SLC35D4: variants seen among roughly 807,000 people sequenced by gnomAD.
SLC35D4 encodes UDP-N-acetylglucosamine transporter SLC35D4.
At chr18:23,417,295 C>T in the SLC35D4 span, among the ~76,000 whole-genome samples, 1 of 151,644 alleles carries the variant, frequency 6.6e-6, no homozygotes, top group East Asian at 1.9e-4. Context: ...CAGATAAATG[C>T]ATAAGCAAAA....
the SLC35D4 span, chr18:23,376,829 G>A: frequency 2.2e-6 from 1 of 456,678 alleles, no homozygotes; most frequent in East Asian, 6.9e-5. Flanking sequence ...AGCAGTACCT[G>A]ATTACATCAG....
the SLC35D4 span, among the ~76,000 whole-genome samples, chr18:23,311,448 TA>T: frequency 6.6e-6 from 1 of 151,964 alleles, no homozygotes; most frequent in Non-Finnish European, 1.5e-5. Context: ...TCTATGGTCA[TA>T]AATGAAGTGG....
At chr18:23,246,474 C>G in the SLC35D4 span, among the ~76,000 whole-genome samples, 1,229 of 152,094 alleles carry the variant, frequency 8.1e-3, 13 homozygotes, top group Middle Eastern at 0.014. Flanking sequence ...TCACTGCAAG[C>G]TCCGCCTCCC....
the SLC35D4 span, among the ~76,000 whole-genome samples, chr18:23,294,404 C>T: frequency 6.6e-6 from 1 of 152,094 alleles, no homozygotes; most frequent in East Asian, 1.9e-4. Flanking sequence ...GCGCTGAGCA[C>T]GTGAATTTGG....
At chr18:23,340,241 G>A in the SLC35D4 span, among the ~76,000 whole-genome samples, 1 of 152,150 alleles carries the variant, frequency 6.6e-6, no homozygotes, top group African/African-American at 2.4e-5. Flanking sequence ...GGAGGCCGAG[G>A]CAGGCAGATT....
chr18:23,342,066 T>A, the SLC35D4 span, among the ~76,000 whole-genome samples: 1 of 152,208 alleles, frequency 6.6e-6, no homozygotes, highest in Admixed American at 6.5e-5. Context: ...ACTTTACAGC[T>A]TTCAGGGATG....
the SLC35D4 span, among the ~76,000 whole-genome samples, chr18:23,251,153 T>A: frequency 6.6e-6 from 1 of 152,210 alleles, no homozygotes; most frequent in African/African-American, 2.4e-5. Context: ...CTTTGACTGA[T>A]TAAGATTATG....
the SLC35D4 span, among the ~76,000 whole-genome samples, chr18:23,371,935 G>GTT: frequency 7.6e-4 from 27 of 35,430 alleles, 2 homozygotes; most frequent in South Asian, 1.5e-3. Flanking sequence ...TGTTTTTTTT[G>GTT]TTTTTTTTTT....
chr18:23,282,408 A>G, the SLC35D4 span, among the ~76,000 whole-genome samples: 1 of 152,334 alleles, frequency 6.6e-6, no homozygotes, highest in Non-Finnish European at 1.5e-5. Flanking sequence ...ACTGAAAATC[A>G]GCTGACAGCA....
the SLC35D4 span, chr18:23,437,961 C>T: frequency 1.6e-6 from 2 of 1,240,544 alleles, no homozygotes; most frequent in Non-Finnish European, 1.1e-6. Context: ...CGCCCAGAGA[C>T]GGCCACGTGG....
the SLC35D4 span, among the ~76,000 whole-genome samples, chr18:23,312,963 TA>T: frequency 1.3e-5 from 2 of 151,106 alleles, no homozygotes; most frequent in Non-Finnish European, 3.0e-5. Context: ...CCGTCTCTAC[TA>T]AAAATACAAA....
the SLC35D4 span, among the ~76,000 whole-genome samples, chr18:23,278,154 C>T: frequency 6.6e-6 from 1 of 152,062 alleles, no homozygotes; most frequent in Non-Finnish European, 1.5e-5. Flanking sequence ...TTGGGAAGAC[C>T]CTCTTCCACT....
the SLC35D4 span, among the ~76,000 whole-genome samples, chr18:23,265,981 A>G: frequency 6.6e-6 from 1 of 152,146 alleles, no homozygotes; most frequent in Non-Finnish European, 1.5e-5. Context: ...ATTTTTATTT[A>G]TAAAATAAAA....
the SLC35D4 span, among the ~76,000 whole-genome samples, chr18:23,431,554 T>C: frequency 6.6e-6 from 1 of 152,232 alleles, no homozygotes; most frequent in East Asian, 1.9e-4. Flanking sequence ...GTATGTCTTT[T>C]GTATTAAATG....
At chr18:23,330,361 T>A in the SLC35D4 span, among the ~76,000 whole-genome samples, 4 of 152,238 alleles carry the variant, frequency 2.6e-5, no homozygotes, top group African/African-American at 9.6e-5. Context: ...ACTTTCTACA[T>A]GTTCTATAAT....
chr18:23,306,585 C>T, the SLC35D4 span, among the ~76,000 whole-genome samples: 4 of 152,208 alleles, frequency 2.6e-5, no homozygotes, highest in East Asian at 1.9e-4. Context: ...GGATTACAGG[C>T]GTGAGCCACT....
the SLC35D4 span, among the ~76,000 whole-genome samples, chr18:23,301,838 G>A: frequency 6.6e-6 from 1 of 151,808 alleles, no homozygotes; most frequent in Non-Finnish European, 1.5e-5. Flanking sequence ...TGAAATAGAG[G>A]GAATTAATAT....
chr18:23,372,490 A>C, the SLC35D4 span, among the ~76,000 whole-genome samples: 4 of 152,170 alleles, frequency 2.6e-5, no homozygotes, highest in African/African-American at 9.7e-5. Flanking sequence ...ATAAATTCTA[A>C]AATCCCCACT....
At chr18:23,378,289 A>G in the SLC35D4 span, among the ~76,000 whole-genome samples, 1 of 151,318 alleles carries the variant, frequency 6.6e-6, no homozygotes, top group Non-Finnish European at 1.5e-5. Context: ...CTCCTGCCTC[A>G]GCCTCCTAAA....
Sources: gnomAD v4.1 joint callset for allele counts (sites outside exome capture counted in the v4.1 genomes callset) on GRCh38, gnomAD v4.1.1 for gene constraint, MANE v1.5 for transcripts, NCBI Gene and HGNC (gene_info 2026-07-23, HGNC 2026-07-21) for gene names.